The following WIPI2 variants were observed in gnomAD, a reference collection of about 807,000 sequenced individuals.
The protein encoded by WIPI2 is WD repeat domain, phosphoinositide interacting 2, also known as WD repeat domain phosphoinositide-interacting protein 2.
In WIPI2, 28 loss-of-function variants were observed where a neutral mutation model predicts 52.3. That is an observed-to-expected ratio of 0.54 (90% CI 0.40 to 0.73). The LOEUF (loss-of-function observed/expected upper bound fraction) is 0.73. WIPI2 is among the 30% of genes least tolerant of loss of function. The pLI is 0.00. For missense variants in WIPI2, 506 were observed against 602.9 expected, an observed-to-expected ratio of 0.84 and a Z score of 1.68; for synonymous variants, 268 against 245.0, an observed-to-expected ratio of 1.09 and a Z score of -0.88.
intron 2 of WIPI2, among the ~76,000 whole-genome samples, chr7:5,193,550 G>A (rs529578657): frequency 6.6e-6 from 1 of 152,134 alleles, no homozygotes; most frequent in Non-Finnish European, 1.5e-5. Context: ...TCCTCTCTTT[G>A]TTCATCTGTA....
At chr7:5,197,118 C>CAAAAAAAA (rs869261081) in intron 2 of WIPI2, among the ~76,000 whole-genome samples, 5 of 41,428 alleles carry the variant, frequency 1.2e-4, no homozygotes, top group Non-Finnish European at 1.9e-4. Context: ...TCTCAAAAAA[C>CAAAAAAAA]AAAAAAAAAA....
intron 2 of WIPI2, among the ~76,000 whole-genome samples, chr7:5,195,184 A>G (rs1238363304): frequency 6.6e-6 from 1 of 152,144 alleles, no homozygotes; most frequent in Non-Finnish European, 1.5e-5. Context: ...CCCCTTTGTC[A>G]ATGAAAGAGC....
intron 1 of WIPI2, 127 bp from the exon 2 acceptor site, chr7:5,192,991 T>G: frequency 1.2e-6 from 1 of 846,624 alleles, no homozygotes; most frequent in Non-Finnish European, 1.9e-6. Context: ...ATAACTGTCC[T>G]GCCTTTCTTT....
chr7:5,218,378 C>T (rs1782930592), intron 7 of WIPI2: 1 of 198,740 alleles, frequency 5.0e-6, no homozygotes, highest in South Asian at 9.1e-5. Flanking sequence ...AGACAGAATT[C>T]TATCCAGCCA....
At chr7:5,217,048 C>G in intron 5 of WIPI2, 42 bp from the exon 6 acceptor site, 1 of 1,573,040 alleles carries the variant, frequency 6.4e-7, no homozygotes, top group Non-Finnish European at 8.7e-7. Context: ...AAGGAACTCT[C>G]AGGTGGAAGT....
In WIPI2 at chr7:5,212,757, A is replaced by G. The variant is rs567594401; in HGVS notation, c.212-1778A>G. Among the ~76,000 whole-genome samples the G allele has an allele frequency of 3.5e-4, 53 of 152,304 alleles. No homozygotes were observed. In the South Asian group the frequency reaches 0.01, roughly 29 times the overall value. ...GGTCTCGAATTCCTGCCCTCAAGCAATCCTCCCACCTTGGCCTCCCAAAGT... is the reference window on the plus strand; with the variant it reads ...GGTCTCGAATTCCTGCCCTCAAGCAGTCCTCCCACCTTGGCCTCCCAAAGT... On this transcript the variant is annotated intron_variant, in intron 3 of 12. Transcript: ENST00000288828.
chr7:5,228,481 A>G (rs2093978793), intron 11 of WIPI2, among the ~76,000 whole-genome samples: 1 of 152,062 alleles, frequency 6.6e-6, no homozygotes, highest in Non-Finnish European at 1.5e-5. Flanking sequence ...CGGGAGCCGC[A>G]TTTGTTCTTA....
At chr7:5,192,740 A>T (rs1361769033) in intron 1 of WIPI2, among the ~76,000 whole-genome samples, 1 of 152,252 alleles carries the variant, frequency 6.6e-6, no homozygotes, top group African/African-American at 2.4e-5. Context: ...ACTTGAAAGA[A>T]ATAGAGAAGT....
In WIPI2 at chr7:5,190,485, G is replaced by A; in HGVS notation, c.66G>A (p.Gln22=). 6 of 1,511,368 alleles carry A rather than the reference G, an allele frequency of 4.0e-6. No homozygotes were observed. The highest frequency in any genetic ancestry group is 2.8e-5 in the East Asian group (1 of 35,376). 93.6% of individuals were successfully genotyped at this position (1,511,368 alleles called of 1,614,324 possible). Residue 22 remains glutamine (Q), a synonymous_variant, in exon 1 of 13, where the codon CAG becomes CAA. Coordinates refer to ENST00000288828, the MANE Select transcript of WIPI2 (RefSeq NM_015610.4). ...AGQLLFANFN[Q]DNTEVKGASR... ...AGCTGCTCTTCGCCAACTTCAACCA[G>A]GACAACACGTAAGGCCGGGGTCGGG...
intron 3 of WIPI2, among the ~76,000 whole-genome samples, chr7:5,202,792 TATAC>T (rs1782094055): frequency 6.6e-6 from 1 of 152,210 alleles, no homozygotes; most frequent in Non-Finnish European, 1.5e-5. Flanking sequence ...ATTTTTTGAA[TATAC>T]ATAATGCACA....
At chr7:5,193,698 C>T (rs1781591613) in intron 2 of WIPI2, among the ~76,000 whole-genome samples, 1 of 152,190 alleles carries the variant, frequency 6.6e-6, no homozygotes, top group Admixed American at 6.5e-5. Flanking sequence ...GCCTCAGCCT[C>T]CCGAGAAACC....
intron 3 of WIPI2, among the ~76,000 whole-genome samples, chr7:5,210,069 G>A (rs1016291810): frequency 2.6e-5 from 4 of 151,942 alleles, no homozygotes; most frequent in African/African-American, 4.8e-5. Context: ...CGCGATGCCC[G>A]GCTCATTTTT....
At position 5,225,920 on chromosome 7, in the gene WIPI2, G is replaced by C. The variant is rs748699055; in HGVS notation, c.838G>C (p.Val280Leu). Residue 280 changes from valine (V) to leucine (L), a missense_variant, in exon 9 of 13, where the codon GTG (valine) becomes CTG (leucine). Transcript: ENST00000288828. Reference protein sequence around the residue: ...ETVHIFKLETVKEKPPEEPTT... With the variant: ...ETVHIFKLETLKEKPPEEPTT... ...CGTGCACATCTTCAAACTCGAGACT[G>C]TGAAAGAAAAGTGAGTTGCAAATAT... The C allele has an allele frequency of 6.2e-7, 1 of 1,613,452 alleles. No homozygotes were observed. Among genetic ancestry groups the C allele is most frequent in the African/African-American group, 1.3e-5 (1 of 74,928 alleles).
At position 5,230,818 on chromosome 7, in the gene WIPI2, T is replaced by C; in HGVS notation, c.1253-17T>C. 6.2e-7 allele frequency: 1 copy of C among 1,606,854 alleles called. No homozygotes were observed. The highest frequency in any genetic ancestry group is 1.1e-5 in the South Asian group (1 of 90,200). Reference sequence around the variant, plus strand: ...TGTCCCCAGCCTTTGAAGGGTGACTTCGTCGTCTCTTTGCAGCCTACACAG... The same window carrying C: ...TGTCCCCAGCCTTTGAAGGGTGACTCCGTCGTCTCTTTGCAGCCTACACAG... On this transcript the variant is annotated splice_polypyrimidine_tract_variant and intron_variant, in intron 12 of 12. Coordinates refer to ENST00000288828, the MANE Select transcript of WIPI2 (RefSeq NM_015610.4). The surrounding 1 kb of genome is among the most constrained non-coding windows in gnomAD (Gnocchi z 4.8).
Position 5,232,766 on chromosome 7 carries a change from G to A in WIPI2, c.*1819G>A, listed in dbSNP as rs143363128. The A allele has an allele frequency of 2.4e-3, 385 of 157,734 alleles. 9 individuals are homozygous for A. Among genetic ancestry groups the A allele is most frequent in the Admixed American group, 0.02 (313 of 15,420 alleles). The allele number at this position is 157,734 out of a possible 1,614,324, so 9.8% of individuals were successfully genotyped here. ...GGGAAAAAGTGTGCACAAGAGATAC[G>A]GAACCCTGAGCTAGGGTTTCCTGTC... is the stretch of plus-strand genomic sequence containing the variant. On this transcript the variant is annotated 3_prime_UTR_variant, in exon 13 of 13. Coordinates refer to ENST00000288828, the MANE Select transcript of WIPI2 (RefSeq NM_015610.4).
rs964447449 is a variant in WIPI2 at position 5,193,025 on chromosome 7, C to T, written c.75-93C>T. On this transcript the variant is annotated intron_variant, in intron 1 of 12. Coordinates refer to ENST00000288828, the MANE Select transcript of WIPI2 (RefSeq NM_015610.4). The stretch of plus-strand genomic sequence containing the variant: ...TTACTGGTAATATGATTTCCAATGT[C>T]GTACTTTTTCATGATTCCTATCCTA... The T allele has an allele frequency of 3.7e-5, 44 of 1,204,862 alleles. No individual in the cohort carries two copies. In the African/African-American group the frequency reaches 4.5e-4, roughly 12 times the overall value. 74.6% of individuals were successfully genotyped at this position (1,204,862 alleles called of 1,614,324 possible).
In WIPI2 at chr7:5,225,896, G is replaced by A. The variant is rs767614894; in HGVS notation, c.814G>A (p.Val272Met). 3.7e-6 allele frequency: 6 copies of A among 1,613,788 alleles called. No homozygotes were observed. Among genetic ancestry groups the A allele is most frequent in the African/African-American group, 1.3e-5 (1 of 74,924 alleles). ...CTCCGCCTCCAGCAACACTGAGACC[G>A]TGCACATCTTCAAACTCGAGACTGT... is the stretch of plus-strand genomic sequence containing the variant. ...FLSASSNTET[V>M]HIFKLETVKE... Residue 272 changes from valine to methionine, a missense_variant, in exon 9 of 13, where the codon GTG (valine) becomes ATG (methionine). Physicochemically the swap from Val to Met is conservative, Grantham distance 21 (BLOSUM62 1). Transcript: ENST00000288828.
intron 3 of WIPI2, among the ~76,000 whole-genome samples, chr7:5,203,270 A>T (rs1340115549): frequency 6.6e-6 from 1 of 152,212 alleles, no homozygotes; most frequent in Non-Finnish European, 1.5e-5. Flanking sequence ...TATCCTACAG[A>T]GGAGAAACCA....
At chr7:5,221,863 TA>T (rs1783145881) in intron 7 of WIPI2, among the ~76,000 whole-genome samples, 1 of 152,194 alleles carries the variant, frequency 6.6e-6, no homozygotes, top group South Asian at 2.1e-4. Flanking sequence ...TAACTGAATT[TA>T]AAGTGGCAGG....
Sources: allele counts gnomAD v4.1 joint callset (sites outside exome capture counted in the v4.1 genomes callset), GRCh38; gene constraint gnomAD v4.1.1; non-coding constraint Gnocchi (gnomAD v3.1); transcripts MANE v1.5; gene names NCBI Gene and HGNC (gene_info 2026-07-23, HGNC 2026-07-21).